AMPH: variants seen among roughly 807,000 people sequenced by gnomAD.
AMPH encodes amphiphysin.
AMPH carries 49 observed loss-of-function variants against 99.1 expected under a neutral mutation model. The observed-to-expected ratio is 0.49, with a 90% CI of 0.39 to 0.63. AMPH has a LOEUF of 0.63. Among genes scored for constraint, AMPH ranks in the 20% least tolerant of loss-of-function variants. The pLI is 0.00. For synonymous variants in AMPH, 314 were observed against 317.3 expected, an observed-to-expected ratio of 0.99 and a Z score of 0.11; for missense variants, 759 against 863.4, an observed-to-expected ratio of 0.88 and a Z score of 1.52.
intron 11 of AMPH, among the ~76,000 whole-genome samples, chr7:38,441,806 A>ATATATATTATATATC (rs1786541735): frequency 1.1e-5 from 1 of 87,362 alleles, no homozygotes; most frequent in Non-Finnish European, 2.1e-5. Flanking sequence ...TATCATATAT[A>ATATATATTATATATC]TATCATATAT....
intron 4 of AMPH, 52 bp downstream of exon 4, chr7:38,494,381 G>A: frequency 6.8e-7 from 1 of 1,466,610 alleles, no homozygotes; most frequent in Non-Finnish European, 9.6e-7. Flanking sequence ...CAGGGGACAG[G>A]TGGACTGAGC....
Position 38,391,863 on chromosome 7 carries a change from T to C in AMPH, c.1763A>G (p.Gln588Arg), listed in dbSNP as rs773769228. ...TSETPELATE[Q>R]KPIQDPQPTP... ...GGGCTGAGGGTCCTGGATAGGCTTC[T>C]GCTCCGTAGCCAGCTCCGGTGTCTC... Residue 588 changes from glutamine to arginine, a missense_variant, in exon 19 of 21, where the codon CAG (glutamine) becomes CGG (arginine). Transcript: ENST00000356264. The C allele has an allele frequency of 2.5e-6, 4 of 1,612,882 alleles. No homozygotes were observed. Among genetic ancestry groups the C allele is most frequent in the South Asian group, 1.1e-5 (1 of 90,960 alleles).
At chr7:38,546,265 G>C (rs894914917) in intron 1 of AMPH, among the ~76,000 whole-genome samples, 5 of 152,148 alleles carry the variant, frequency 3.3e-5, no homozygotes, top group Admixed American at 6.5e-5. Context: ...CAGCAGAACA[G>C]GCAATCAACA....
Position 38,394,103 on chromosome 7 carries a change from C to T in AMPH, c.1510G>A (p.Gly504Arg). Residue 504 changes from glycine to arginine, a missense_variant, in exon 18 of 21, where the codon GGA (glycine) becomes AGA (arginine). Physicochemically the swap from Gly to Arg is moderately radical, Grantham distance 125 (BLOSUM62 -2). Coordinates refer to ENST00000356264, the MANE Select transcript of AMPH (RefSeq NM_001635.4). ...ATTTTGGCCTCCTCTAAACTTACTC[C>T]TTCCCCGGCAGGGACAGTGGCCTTC... Reference protein sequence around the residue: ...AEKATVPAGEGVSLEEAKIGT... With the variant: ...AEKATVPAGERVSLEEAKIGT... 1 of 1,614,178 alleles carries T rather than the reference C, an allele frequency of 6.2e-7. No individual in the cohort carries two copies. The highest frequency in any genetic ancestry group is 8.5e-7 in the Non-Finnish European group (1 of 1,180,030).
chr7:38,567,747 T>C (rs898129772), intron 1 of AMPH, among the ~76,000 whole-genome samples: 90 of 152,264 alleles, frequency 5.9e-4, no homozygotes, highest in African/African-American at 2.0e-3. Flanking sequence ...AAAGCTCAAA[T>C]TGAAAATAAT....
At position 38,463,202 on chromosome 7, in the gene AMPH, G is replaced by A. The variant is rs1182348250; in HGVS notation, c.750-89C>T. ...TTTTCCATTTCAGAGAAACCCAGAA[G>A]CCTAACAGGTACTGTCTGTTGTCCT... On this transcript the variant is annotated intron_variant, in intron 9 of 20. Transcript: ENST00000356264. 8 of 1,558,882 alleles carry A rather than the reference G, an allele frequency of 5.1e-6. No homozygotes were observed. In the South Asian group the frequency reaches 6.7e-5, roughly 13 times the overall value.
chr7:38,597,061 T>A (rs1047220654), intron 1 of AMPH, among the ~76,000 whole-genome samples: 1 of 152,238 alleles, frequency 6.6e-6, no homozygotes, highest in Admixed American at 6.5e-5. Context: ...TCATGTATGC[T>A]ACTCCATTTT....
chr7:38,627,769 T>C (rs1429022988), intron 1 of AMPH, among the ~76,000 whole-genome samples: 1 of 152,040 alleles, frequency 6.6e-6, no homozygotes, highest in African/African-American at 2.4e-5. Flanking sequence ...ATATATCTTA[T>C]GTGAATATAT....
chr7:38,391,967 C>T lies in AMPH; in HGVS notation c.1659G>A (p.Glu553=), dbSNP rs1425575431. Residue 553 remains glutamate (E), a synonymous_variant, in exon 19 of 21, where the codon GAG becomes GAA. Transcript: ENST00000356264. ...CTATAGTTATTTCGTTTTCTCCTTC[C>T]TCTTCATGGTTGGAGGCAGGCTCTA... ...VVIEPASNHE[E]EGENEITIGA... The T allele has an allele frequency of 1.2e-6, 2 of 1,610,788 alleles. No individual in the cohort carries two copies. Among genetic ancestry groups the T allele is most frequent in the Non-Finnish European group, 1.7e-6 (2 of 1,180,018 alleles).
intron 2 of AMPH, among the ~76,000 whole-genome samples, chr7:38,525,277 T>TATATATATATATATAGAGAGAG (rs1481528083): frequency 8.1e-5 from 7 of 86,650 alleles, no homozygotes; most frequent in African/African-American, 2.8e-4. Context: ...TATATATATA[T>TATATATATATATATAGAGAGAG]AGAGAGAGAG....
At chr7:38,425,233 T>C (rs1785740438) in intron 15 of AMPH, among the ~76,000 whole-genome samples, 1 of 152,110 alleles carries the variant, frequency 6.6e-6, no homozygotes, top group South Asian at 2.1e-4. Context: ...ACCAACAGGA[T>C]GGAAGAGCCA....
chr7:38,418,906 A>C (rs1329122666), intron 16 of AMPH, among the ~76,000 whole-genome samples: 3 of 152,136 alleles, frequency 2.0e-5, no homozygotes, highest in African/African-American at 7.2e-5. Context: ...ATAAACTAAC[A>C]GCAAGCCATT....
chr7:38,407,060 A>G, intron 17 of AMPH, among the ~76,000 whole-genome samples: 1 of 17,340 alleles, frequency 5.8e-5, no homozygotes, highest in Admixed American at 8.6e-4. Context: ...ATATATATAT[A>G]TATATATATA....
chr7:38,623,461 C>G (rs984955938), intron 1 of AMPH, among the ~76,000 whole-genome samples: 2 of 152,042 alleles, frequency 1.3e-5, no homozygotes, highest in Non-Finnish European at 2.9e-5. Context: ...AAGAATGTCC[C>G]ATAATTATTA....
At chr7:38,396,059 C>G (rs1220262706) in intron 17 of AMPH, among the ~76,000 whole-genome samples, 1 of 152,244 alleles carries the variant, frequency 6.6e-6, no homozygotes, top group Non-Finnish European at 1.5e-5. Flanking sequence ...ATTTCCCTCT[C>G]TTATGAGAAT....
chr7:38,527,063 G>C (rs1235573312), intron 2 of AMPH, among the ~76,000 whole-genome samples: 1 of 152,186 alleles, frequency 6.6e-6, no homozygotes, highest in Non-Finnish European at 1.5e-5. Context: ...TCAAAAACCA[G>C]TTGAGCATAT....
At chr7:38,391,375 C>G (rs1368746276) in intron 19 of AMPH, among the ~76,000 whole-genome samples, 1 of 152,160 alleles carries the variant, frequency 6.6e-6, no homozygotes, top group Non-Finnish European at 1.5e-5. Context: ...TGAAGGATTG[C>G]TGCCCGACCC....
chr7:38,443,767 C>T (rs1039146199), intron 11 of AMPH, among the ~76,000 whole-genome samples: 8 of 152,068 alleles, frequency 5.3e-5, no homozygotes, highest in Non-Finnish European at 8.8e-5. Flanking sequence ...ATACTACATG[C>T]TCTTCCTCTA....
intron 1 of AMPH, among the ~76,000 whole-genome samples, chr7:38,584,938 T>C (rs1459733870): frequency 6.6e-6 from 1 of 152,228 alleles, no homozygotes; most frequent in African/African-American, 2.4e-5. Flanking sequence ...CTTCAAGCTT[T>C]AAACAAAAAT....
Sources: gnomAD v4.1 joint callset for allele counts (sites outside exome capture counted in the v4.1 genomes callset) on GRCh38, gnomAD v4.1.1 for gene constraint, MANE v1.5 for transcripts, NCBI Gene and HGNC (gene_info 2026-07-23, HGNC 2026-07-21) for gene names.